The following FAM114A2 variants were observed in gnomAD, a reference collection of about 807,000 sequenced individuals.
The protein encoded by FAM114A2 is family with sequence similarity 114 member A2, also known as protein FAM114A2.
Under a neutral mutation model 58.4 loss-of-function variants are expected in FAM114A2, and 53 were observed. The observed-to-expected ratio is 0.91, with a 90% CI of 0.73 to 1.14. FAM114A2 has a LOEUF of 1.14. Ranked by LOEUF, FAM114A2 falls within the 50% of genes most tolerant of loss-of-function variation. FAM114A2 has a pLI of 0.00. For missense variants in FAM114A2, 601 were observed against 581.1 expected, an observed-to-expected ratio of 1.03 and a Z score of -0.35; for synonymous variants, 228 against 211.4, an observed-to-expected ratio of 1.08 and a Z score of -0.68.
chr5:154,022,271 CA>C (rs1387693504), intron 8 of FAM114A2, among the ~76,000 whole-genome samples: 1 of 152,116 alleles, frequency 6.6e-6, no homozygotes, highest in Non-Finnish European at 1.5e-5. Flanking sequence ...CAACAAAAGC[CA>C]AAACAGATAA....
At chr5:154,026,830 A>C (rs10038905) in intron 7 of FAM114A2, among the ~76,000 whole-genome samples, 91,519 of 149,780 alleles carry the variant, frequency 0.61, 28,502 homozygotes, top group East Asian at 0.87. Flanking sequence ...AACTGTACAC[A>C]AATTGGCAGC....
intron 1 of FAM114A2, chr5:154,038,546 T>G (rs188662772): frequency 6.6e-6 from 1 of 152,190 alleles, no homozygotes; most frequent in Non-Finnish European, 1.5e-5. Context: ...TTGTATCCTA[T>G]CGTTATTAAT....
chr5:154,006,787 C>T (rs1003483718), intron 9 of FAM114A2, among the ~76,000 whole-genome samples: 1 of 140,874 alleles, frequency 7.1e-6, no homozygotes, highest in Non-Finnish European at 1.5e-5. Context: ...TTTAATATAC[C>T]CAAAGGAGAT....
intron 12 of FAM114A2, among the ~76,000 whole-genome samples, chr5:153,996,378 C>T (rs192736850): frequency 6.6e-6 from 1 of 152,164 alleles, no homozygotes; most frequent in Non-Finnish European, 1.5e-5. Flanking sequence ...CCCTACCTTA[C>T]ACCATACACA....
intron 8 of FAM114A2, among the ~76,000 whole-genome samples, chr5:154,020,957 T>G (rs1771375501): frequency 6.6e-6 from 1 of 151,776 alleles, no homozygotes; most frequent in African/African-American, 2.4e-5. Flanking sequence ...CAAGATCAAG[T>G]TGGCTTTATC....
At chr5:154,037,151 G>A (rs1561582565) in intron 1 of FAM114A2, 1 of 152,320 alleles carries the variant, frequency 6.6e-6, no homozygotes, top group East Asian at 1.9e-4. Flanking sequence ...GAAATAACAT[G>A]AGGGTACAGC....
intron 5 of FAM114A2, 134 bp downstream of exon 5, chr5:154,029,355 G>T (rs972650614): frequency 1.6e-5 from 9 of 570,656 alleles, no homozygotes; most frequent in Admixed American, 3.4e-5. Flanking sequence ...AGACCAAAGT[G>T]ACCGATCTTC....
At chr5:154,031,312 CAAAAA>C (rs59757780) in intron 4 of FAM114A2, among the ~76,000 whole-genome samples, 4 of 47,848 alleles carry the variant, frequency 8.4e-5, no homozygotes, top group East Asian at 8.2e-4. Flanking sequence ...ACTCCCTCTC[CAAAAA>C]AAAAAAAAAA....
intron 9 of FAM114A2, among the ~76,000 whole-genome samples, chr5:154,007,532 G>A (rs1362470594): frequency 1.3e-5 from 2 of 152,110 alleles, no homozygotes; most frequent in Non-Finnish European, 2.9e-5. Context: ...TACATCTTAA[G>A]TCTCAATGCC....
chr5:154,034,370 A>T lies in FAM114A2; in HGVS notation c.218T>A (p.Val73Asp). 6.4e-7 allele frequency: 1 copy of T among 1,558,554 alleles called. No individual in the cohort carries two copies. Among genetic ancestry groups the T allele is most frequent in the Non-Finnish European group, 8.7e-7 (1 of 1,153,838 alleles). The change falls in exon 3 of 14, where the codon GTT becomes GAT. Residue 73 changes from valine (V) to aspartate (D), a missense_variant. By Grantham distance (152) the Val-to-Asp change is radical (BLOSUM62 -3). Coordinates refer to ENST00000351797, the MANE Select transcript of FAM114A2 (RefSeq NM_018691.4). ...TCTGGTCTGGGGTACATCTTTGGAA[A>T]CATTATCCTAATTTCCCAGTAGGCA... The part of the protein sequence containing the change: ...TSKVLPIQDN[V>D]SKDVPQTRWG...
chr5:153,993,837 C>T (rs1332045563), intron 13 of FAM114A2, among the ~76,000 whole-genome samples: 1 of 152,014 alleles, frequency 6.6e-6, no homozygotes, highest in East Asian at 1.9e-4. Flanking sequence ...AGTGATATTA[C>T]CTTTTTAAAA....
At chr5:154,006,670 T>A (rs543294772) in intron 9 of FAM114A2, among the ~76,000 whole-genome samples, 73 of 152,160 alleles carry the variant, frequency 4.8e-4, no homozygotes, top group African/African-American at 1.6e-3. Flanking sequence ...TTGCAATATC[T>A]TTGAAGAGAC....
intron 9 of FAM114A2, among the ~76,000 whole-genome samples, chr5:154,008,959 G>C (rs914648368): frequency 1.3e-4 from 20 of 152,184 alleles, no homozygotes; most frequent in Admixed American, 6.5e-5. Flanking sequence ...GAGTTATACT[G>C]TGTGTGAAGT....
At chr5:154,016,592 C>T (rs758250744) in intron 8 of FAM114A2, among the ~76,000 whole-genome samples, 1 of 152,098 alleles carries the variant, frequency 6.6e-6, no homozygotes, top group Non-Finnish European at 1.5e-5. Flanking sequence ...ACCAAGCCAG[C>T]AGTACAAGAA....
At chr5:154,020,713 AG>A (rs745833627) in intron 8 of FAM114A2, among the ~76,000 whole-genome samples, 37 of 152,224 alleles carry the variant, frequency 2.4e-4, no homozygotes, top group Non-Finnish European at 1.8e-4. Context: ...ATTCTAGCAA[AG>A]GGACAAAGAG....
chr5:154,005,355 A>G (rs1770281487), intron 9 of FAM114A2, among the ~76,000 whole-genome samples: 1 of 152,180 alleles, frequency 6.6e-6, no homozygotes, highest in Non-Finnish European at 1.5e-5. Context: ...ACCCCTGTCC[A>G]CAGAGTAAGT....
chr5:154,006,673 G>C (rs1450123779), intron 9 of FAM114A2, among the ~76,000 whole-genome samples: 1 of 151,810 alleles, frequency 6.6e-6, no homozygotes, highest in Non-Finnish European at 1.5e-5. Context: ...CAATATCTTT[G>C]AAGAGACAAA....
intron 11 of FAM114A2, 29 bp from the exon 12 acceptor site, chr5:153,997,904 T>G (rs577107041): frequency 1.5e-6 from 2 of 1,330,700 alleles, no homozygotes; most frequent in South Asian, 2.5e-5. Context: ...GTCAGAAACG[T>G]TTTTTCTTTT....
At chr5:154,035,080 A>C (rs1172925236) in intron 1 of FAM114A2, 113 bp from the exon 2 acceptor site, 2 of 645,084 alleles carry the variant, frequency 3.1e-6, no homozygotes, top group Non-Finnish European at 5.3e-6. Flanking sequence ...ATAAGGAATA[A>C]TACAGAGATC....
Sources: gnomAD v4.1 joint callset for allele counts (sites outside exome capture counted in the v4.1 genomes callset) on GRCh38, gnomAD v4.1.1 for gene constraint, MANE v1.5 for transcripts, NCBI Gene and HGNC (gene_info 2026-07-23, HGNC 2026-07-21) for gene names.